Variants in PCDHGB3 observed in about 807,000 individuals in gnomAD.
PCDHGB3 encodes the protein protocadherin gamma subfamily B, 3.
A neutral mutation model predicts 59.2 loss-of-function variants in PCDHGB3; 40 were observed. The ratio of observed to expected loss-of-function variants is 0.68; its 90% CI spans 0.52 to 0.88. The LOEUF is 0.88. Among genes scored for constraint, PCDHGB3 ranks in the 40% least tolerant of loss-of-function variants. The pLI is 0.00. For missense variants in PCDHGB3, 1,309 were observed against 1,187.9 expected, an observed-to-expected ratio of 1.10 and a Z score of -1.50; for synonymous variants, 581 against 503.6, an observed-to-expected ratio of 1.15 and a Z score of -2.06.
At position 141,477,115 on chromosome 5, in the gene PCDHGB3, A is replaced by G. The variant is rs1218111107; in HGVS notation, c.2416-17692A>G. ...AAGACAAGGGCGCCAATCCCGAAGG[A>G]GCACATTGCAAAGTGTTGGTGGAGG... On this transcript the variant is annotated intron_variant, in intron 1 of 3. Transcript: ENST00000576222. This position sits in a 1 kb window ranked among gnomAD's most constrained non-coding sequence, Gnocchi z 4.9. 1 of 1,614,230 alleles carries G rather than the reference A, an allele frequency of 6.2e-7. No homozygotes were observed. Among genetic ancestry groups the G allele is most frequent in the South Asian group, 1.1e-5 (1 of 91,090 alleles).
chr5:141,476,770 C>T lies in PCDHGB3; in HGVS notation c.2416-18037C>T, dbSNP rs1452363016. 6.2e-7 allele frequency: 1 copy of T among 1,613,568 alleles called. No homozygotes were observed. The highest frequency in any genetic ancestry group is 8.5e-7 in the Non-Finnish European group (1 of 1,180,020). ...TCCAGTTAGTGCTGACGGCGTTGGA[C>T]GGAGGGACCCCAGCTCTCTCCGCCA... On this transcript the variant is annotated intron_variant, in intron 1 of 3. Coordinates refer to ENST00000576222, the MANE Select transcript of PCDHGB3 (RefSeq NM_018924.5). This position sits in a 1 kb window ranked among gnomAD's most constrained non-coding sequence, Gnocchi z 7.6.
chr5:141,381,851 C>G (rs1252869923), intron 1 of PCDHGB3, among the ~76,000 whole-genome samples: 3 of 33,340 alleles, frequency 9.0e-5, no homozygotes, highest in Non-Finnish European at 1.6e-4. Context: ...TTTTTTTTGG[C>G]AGAGTTTTGC....
At position 141,398,835 on chromosome 5, in the gene PCDHGB3, T is replaced by C. The variant is rs371527677; in HGVS notation, c.2415+26026T>C. The C allele has an allele frequency of 2.0e-5, 33 of 1,613,914 alleles. No homozygotes were observed. In the African/African-American group the frequency reaches 3.7e-4, roughly 18 times the overall value. ...TCCGGATCCAGGTAACCGACGCCAA[T>C]GATAATCCCCCGGTATTCAACCGAG... On this transcript the variant is annotated intron_variant, in intron 1 of 3. Transcript: ENST00000576222.
Position 141,494,770 on chromosome 5 carries a change from C to T in PCDHGB3, c.2416-37C>T, listed in dbSNP as rs767006872. 43 of 1,614,022 alleles carry T rather than the reference C, an allele frequency of 2.7e-5. No homozygotes were observed. In the East Asian group the frequency reaches 7.6e-4, roughly 28 times the overall value. On this transcript the variant is annotated intron_variant, in intron 1 of 3. Coordinates refer to ENST00000576222, the MANE Select transcript of PCDHGB3 (RefSeq NM_018924.5). ...GCTCGGGTGACATTCTAACTTCTCA[C>T]GGGTACTCAGCCCCTTTCCCTCTGT...
intron 1 of PCDHGB3, chr5:141,394,510 C>T (rs371348730): frequency 2.5e-6 from 4 of 1,614,098 alleles, no homozygotes; most frequent in Non-Finnish European, 3.4e-6. Flanking sequence ...CTGTACCCCG[C>T]CCTCCCCACA....
intron 2 of PCDHGB3, among the ~76,000 whole-genome samples, chr5:141,503,010 A>ATT (rs199924715): frequency 4.8e-5 from 7 of 146,772 alleles, no homozygotes; most frequent in East Asian, 2.0e-4. Context: ...TGCCCGGTTA[A>ATT]TTTTTTTTTT....
chr5:141,415,657 G>A, intron 1 of PCDHGB3: 1 of 1,576,236 alleles, frequency 6.3e-7, no homozygotes, highest in Non-Finnish European at 8.6e-7. Flanking sequence ...AAAAAAGATT[G>A]GTTTTTACTT....
intron 1 of PCDHGB3, chr5:141,415,563 T>G: frequency 1.2e-6 from 2 of 1,614,168 alleles, no homozygotes; most frequent in Non-Finnish European, 1.7e-6. Flanking sequence ...ATCCTTTGTC[T>G]TTGTTAGATG....
At chr5:141,409,587 C>G (rs13184186) in intron 1 of PCDHGB3, 1 of 1,613,902 alleles carries the variant, frequency 6.2e-7, no homozygotes, top group Non-Finnish European at 8.5e-7. Context: ...GTCCACGTGG[C>G]CGAGAACAAC....
At position 141,505,451 on chromosome 5, in the gene PCDHGB3, C is replaced by T. The variant is rs1350424069; in HGVS notation, c.2533C>T (p.Leu845=). Residue 845 remains leucine (L), a synonymous_variant, in exon 3 of 4, where the codon CTG becomes TTG. Transcript: ENST00000576222. The part of the protein sequence containing the change: ...WPNNQFDTEM[L]QAMILASASE... ...CAACAACCAGTTTGACACAGAGATG[C>T]TGCAAGCCATGATCTTGGCGTCCGC... The T allele has an allele frequency of 1.2e-6, 2 of 1,614,222 alleles. No individual in the cohort carries two copies. The highest frequency in any genetic ancestry group is 1.7e-6 in the Non-Finnish European group (2 of 1,180,048).
intron 1 of PCDHGB3, chr5:141,374,086 G>T: frequency 6.5e-7 from 1 of 1,529,104 alleles, no homozygotes. Context: ...AGCCAGTAAT[G>T]GCGCCTCCGC....
intron 1 of PCDHGB3, chr5:141,383,737 T>TC: frequency 6.2e-7 from 1 of 1,613,998 alleles, no homozygotes; most frequent in Non-Finnish European, 8.5e-7. Flanking sequence ...AGTGACATAT[T>TC]CTTTTCGGAA....
At chr5:141,437,150 A>T (rs572721302) in intron 1 of PCDHGB3, among the ~76,000 whole-genome samples, 1 of 152,328 alleles carries the variant, frequency 6.6e-6, no homozygotes, top group East Asian at 1.9e-4. Flanking sequence ...CATAATTAAC[A>T]TATGTGTTGA....
At chr5:141,492,933 A>G (rs935580560) in intron 1 of PCDHGB3, among the ~76,000 whole-genome samples, 3 of 152,194 alleles carry the variant, frequency 2.0e-5, no homozygotes, top group Admixed American at 6.5e-5. Flanking sequence ...CTAGGGTCAG[A>G]GATTTGGAGG....
Position 141,432,837 on chromosome 5 carries a change from T to C in PCDHGB3, c.2415+60028T>C. On this transcript the variant is annotated intron_variant, in intron 1 of 3. Transcript: ENST00000576222. This position sits in a 1 kb window ranked among gnomAD's most constrained non-coding sequence, Gnocchi z 6.0. ...GAAACCTCAGACCTCACTCTGTACC[T>C]GGTGGTAGCGGTGGCCGCGGTCTCC... The C allele has an allele frequency of 6.2e-7, 1 of 1,614,180 alleles. No individual in the cohort carries two copies. Among genetic ancestry groups the C allele is most frequent in the Non-Finnish European group, 8.5e-7 (1 of 1,180,004 alleles).
chr5:141,430,471 T>TA (rs759564776), intron 1 of PCDHGB3: 176 of 234,152 alleles, frequency 7.5e-4, no homozygotes, highest in Non-Finnish European at 1.1e-3. Context: ...TGGAGCTATT[T>TA]AAGATATAAA....
chr5:141,393,684 T>A, intron 1 of PCDHGB3: 1 of 1,613,904 alleles, frequency 6.2e-7, no homozygotes, highest in Non-Finnish European at 8.5e-7. Flanking sequence ...ACAAACTCCG[T>A]TATTCCAGCT....
chr5:141,375,719 G>A (rs1478749716), intron 1 of PCDHGB3: 2 of 1,614,142 alleles, frequency 1.2e-6, no homozygotes, highest in South Asian at 2.2e-5. Flanking sequence ...TAGCAGCAAC[G>A]TGTCACTGAG....
At chr5:141,380,965 A>G (rs575114972) in intron 1 of PCDHGB3, among the ~76,000 whole-genome samples, 2 of 152,370 alleles carry the variant, frequency 1.3e-5, no homozygotes, top group Admixed American at 1.3e-4. Context: ...CAAAAGTACT[A>G]TTAAACAAAT....
Sources: gnomAD v4.1 joint callset for allele counts (sites outside exome capture counted in the v4.1 genomes callset) on GRCh38, gnomAD v4.1.1 for gene constraint, Gnocchi (gnomAD v3.1) non-coding constraint, MANE v1.5 for transcripts, NCBI Gene and HGNC (gene_info 2026-07-23, HGNC 2026-07-21) for gene names.